The following MAP4K4 variants were observed in gnomAD, a reference collection of about 807,000 sequenced individuals.
MAP4K4 encodes mitogen-activated protein kinase kinase kinase kinase 4, also known as HPK/GCK-like kinase HGK.
In MAP4K4, 38 loss-of-function variants were observed where a neutral mutation model predicts 189.6. That is an observed-to-expected ratio of 0.20 (90% CI 0.15 to 0.26). The LOEUF (loss-of-function observed/expected upper bound fraction) is 0.26, where lower values mean the gene tolerates loss of function less well. Among genes scored for constraint, MAP4K4 ranks in the 10% least tolerant of loss-of-function variants. MAP4K4 has a pLI of 1.00. For synonymous variants in MAP4K4, 610 were observed against 624.3 expected, an observed-to-expected ratio of 0.98 and a Z score of 0.34; for missense variants, 1,054 against 1,726.9, an observed-to-expected ratio of 0.61 and a Z score of 6.91.
At chr2:101,855,922 T>C (rs1294570063) in intron 12 of MAP4K4, 55 bp from the exon 13 acceptor site, 2 of 1,515,502 alleles carry the variant, frequency 1.3e-6, no homozygotes, top group Non-Finnish European at 8.9e-7. Context: ...CACTATAACA[T>C]CATGAGAAAG....
intron 2 of MAP4K4, among the ~76,000 whole-genome samples, chr2:101,720,669 G>A (rs2051347504): frequency 6.6e-6 from 1 of 152,156 alleles, no homozygotes; most frequent in Non-Finnish European, 1.5e-5. Flanking sequence ...CTTTTACTGA[G>A]TGCCCTTTAT....
chr2:101,708,088 C>T (rs1017263529), intron 2 of MAP4K4, among the ~76,000 whole-genome samples: 23 of 152,106 alleles, frequency 1.5e-4, no homozygotes, highest in South Asian at 2.1e-4. Context: ...CTGCCTACCT[C>T]GGCCTCTGAC....
At chr2:101,770,618 A>G (rs1348824529) in intron 2 of MAP4K4, among the ~76,000 whole-genome samples, 1 of 152,222 alleles carries the variant, frequency 6.6e-6, no homozygotes, top group South Asian at 2.1e-4. Context: ...ATATTACAGT[A>G]TGAAGCTCAG....
In MAP4K4 at chr2:101,770,328, A is replaced by G. The variant is rs570079270; in HGVS notation, c.124-20392A>G. ...CAGGGGCACGATCTTGGCTCACTGC[A>G]GTCTCTGCCTCCCGAGTTCAAGTGA... On this transcript the variant is annotated intron_variant, in intron 2 of 32. Transcript: ENST00000324219. Among the ~76,000 whole-genome samples the G allele has an allele frequency of 6.7e-4, 94 of 139,534 alleles. 2 individuals are homozygous for G. The South Asian group carries it at 0.02, about 30-fold the overall frequency. 91.5% of individuals were successfully genotyped at this position (139,534 alleles called of 152,430 possible). A position where few individuals can be genotyped will look rare whatever the true frequency, so the allele number is the denominator to read the frequency against.
exon 33 of MAP4K4, chr2:101,891,359 G>C: frequency 1.2e-6 from 1 of 844,076 alleles, no homozygotes; most frequent in Non-Finnish European, 2.0e-6. Context: ...CAGGACAGCT[G>C]TGTGTGCAGA....
chr2:101,703,053 T>C (rs2039919250), intron 2 of MAP4K4, among the ~76,000 whole-genome samples: 1 of 152,156 alleles, frequency 6.6e-6, no homozygotes, highest in African/African-American at 2.4e-5. Context: ...ACATCTTCTT[T>C]AAGCATTGAG....
rs556465976 is a variant in MAP4K4, at chr2:101,880,874, C to A, written c.3386-1677C>A. Among the ~76,000 whole-genome samples the A allele has an allele frequency of 2.0e-5, 3 of 152,288 alleles. No individual in the cohort carries two copies. The East Asian group carries it at 5.8e-4, about 29-fold the overall frequency. Reference sequence around the variant, plus strand: ...TTGTCTCTTTTTGTGCTAATAACCACACTGTTTTGATTACTGTAGATTTAT... The same window carrying A: ...TTGTCTCTTTTTGTGCTAATAACCAAACTGTTTTGATTACTGTAGATTTAT... On this transcript the variant is annotated intron_variant, in intron 27 of 32. Transcript: ENST00000324219.
intron 15 of MAP4K4, 69 bp from the exon 16 acceptor site, chr2:101,860,756 A>T: frequency 7.6e-7 from 1 of 1,310,474 alleles, no homozygotes; most frequent in Non-Finnish European, 1.0e-6. Flanking sequence ...TTCCACTTTT[A>T]GACTTTCTTT....
At chr2:101,803,295 C>CTGTCTG (rs1045635205) in intron 3 of MAP4K4, among the ~76,000 whole-genome samples, 1 of 137,762 alleles carries the variant, frequency 7.3e-6, no homozygotes, top group East Asian at 2.0e-4. Flanking sequence ...GTGTGTGTGT[C>CTGTCTG]TGTCTGTGTC....
At chr2:101,847,734 A>G (rs1350310966) in intron 12 of MAP4K4, among the ~76,000 whole-genome samples, 1 of 152,240 alleles carries the variant, frequency 6.6e-6, no homozygotes, top group African/African-American at 2.4e-5. Context: ...TTTAATATTG[A>G]AGAAAGAAAA....
chr2:101,781,246 A>T (rs2087220760), intron 2 of MAP4K4, among the ~76,000 whole-genome samples: 1 of 152,090 alleles, frequency 6.6e-6, no homozygotes, highest in Non-Finnish European at 1.5e-5. Flanking sequence ...CAAGGCTGTT[A>T]CCACCCTTGG....
At chr2:101,748,925 T>C (rs1397955922) in intron 2 of MAP4K4, among the ~76,000 whole-genome samples, 1 of 138,922 alleles carries the variant, frequency 7.2e-6, no homozygotes, top group Non-Finnish European at 1.5e-5. Context: ...TCAAAGAGAA[T>C]AAAATACCTA....
chr2:101,824,895 C>G (rs2096281009), intron 4 of MAP4K4, among the ~76,000 whole-genome samples: 1 of 151,520 alleles, frequency 6.6e-6, no homozygotes, highest in Admixed American at 6.6e-5. Flanking sequence ...CACATTAGAC[C>G]CAGTTAATAT....
At chr2:101,823,150 T>A (rs958519384) in intron 3 of MAP4K4, among the ~76,000 whole-genome samples, 12 of 152,324 alleles carry the variant, frequency 7.9e-5, no homozygotes, top group South Asian at 2.1e-4. Context: ...TCAGACTTTG[T>A]CATTCACAAG....
At chr2:101,767,118 C>G (rs760638351) in intron 2 of MAP4K4, among the ~76,000 whole-genome samples, 2 of 152,178 alleles carry the variant, frequency 1.3e-5, no homozygotes, top group African/African-American at 2.4e-5. Flanking sequence ...ATGCAGACAT[C>G]TAATTGGTTG....
chr2:101,853,496 A>C (rs778238085), intron 12 of MAP4K4, among the ~76,000 whole-genome samples: 2 of 152,178 alleles, frequency 1.3e-5, no homozygotes, highest in Non-Finnish European at 2.9e-5. Context: ...GTTGGTGGAT[A>C]ATAGGACACA....
chr2:101,731,721 A>G (rs886597321), intron 2 of MAP4K4, among the ~76,000 whole-genome samples: 10 of 151,564 alleles, frequency 6.6e-5, no homozygotes, highest in African/African-American at 2.2e-4. Context: ...ACTGCATTCC[A>G]GACTGGGTGA....
chr2:101,812,985 TGGGCAC>T (rs2095522439), intron 3 of MAP4K4, among the ~76,000 whole-genome samples: 1 of 152,020 alleles, frequency 6.6e-6, no homozygotes, highest in Non-Finnish European at 1.5e-5. Flanking sequence ...AAAAATTAGC[TGGGCAC>T]GGTGGCGGGT....
chr2:101,790,349 G>C (rs553514346), intron 2 of MAP4K4, among the ~76,000 whole-genome samples: 1 of 151,934 alleles, frequency 6.6e-6, no homozygotes, highest in Admixed American at 6.6e-5. Flanking sequence ...CTTTGAGATA[G>C]TGTTATGTAA....
Sources: allele counts gnomAD v4.1 joint callset (sites outside exome capture counted in the v4.1 genomes callset), GRCh38; gene constraint gnomAD v4.1.1; transcripts MANE v1.5; gene names NCBI Gene and HGNC (gene_info 2026-07-23, HGNC 2026-07-21).